The following OVCH1 variants were observed in gnomAD, a reference collection of about 807,000 sequenced individuals.
The protein encoded by OVCH1 is ovochymase 1, also known as ovochymase-1.
A neutral mutation model predicts 138.4 loss-of-function variants in OVCH1; 139 were observed. That is an observed-to-expected ratio of 1.00 (90% CI 0.87 to 1.16). The LOEUF (loss-of-function observed/expected upper bound fraction) is 1.16. Ranked by LOEUF, OVCH1 falls within the 50% of genes most tolerant of loss-of-function variation. The pLI, the probability that OVCH1 is intolerant of heterozygous loss-of-function variation, is 0.00. For synonymous variants in OVCH1, 453 were observed against 467.8 expected, an observed-to-expected ratio of 0.97 and a Z score of 0.41; for missense variants, 1,367 against 1,357.9, an observed-to-expected ratio of 1.01 and a Z score of -0.11.
intron 4 of OVCH1, among the ~76,000 whole-genome samples, chr12:29,493,079 C>T (rs1325971363): frequency 5.3e-5 from 8 of 152,068 alleles, no homozygotes; most frequent in Non-Finnish European, 2.9e-5. Context: ...GTGGAACAGA[C>T]ATCTTAACCT....
chr12:29,442,632 TA>T (rs370089807), intron 25 of OVCH1, among the ~76,000 whole-genome samples: 10,663 of 149,700 alleles, frequency 0.071, 465 homozygotes, highest in African/African-American at 0.12. Context: ...AATAATAAAA[TA>T]AAAAAAAATA....
intron 19 of OVCH1, among the ~76,000 whole-genome samples, chr12:29,456,045 G>T (rs765991479): frequency 4.6e-5 from 7 of 152,116 alleles, no homozygotes; most frequent in Admixed American, 2.0e-4. Context: ...TCTAATTCTA[G>T]TATTCCAATT....
downstream of OVCH1, among the ~76,000 whole-genome samples, chr12:29,411,652 G>A (rs1207223572): frequency 3.3e-5 from 5 of 152,116 alleles, no homozygotes; most frequent in Admixed American, 1.3e-4. Flanking sequence ...CTGTCTGATC[G>A]TTCCTCTGGA....
chr12:29,426,679 A>G (rs1235096506), downstream of OVCH1, among the ~76,000 whole-genome samples: 2 of 152,138 alleles, frequency 1.3e-5, no homozygotes, highest in African/African-American at 4.8e-5. Context: ...TTGCATACTG[A>G]ATTCCATATT....
At chr12:29,422,109 C>G (rs1453693347) in intron 3 of OVCH1, among the ~76,000 whole-genome samples, 1 of 152,118 alleles carries the variant, frequency 6.6e-6, no homozygotes, top group Non-Finnish European at 1.5e-5. Context: ...GGATTTTAAT[C>G]CACATTATAT....
chr12:29,449,065 AG>A (rs1941698858), intron 22 of OVCH1, among the ~76,000 whole-genome samples: 1 of 152,158 alleles, frequency 6.6e-6, no homozygotes. Flanking sequence ...ATTAAAAATG[AG>A]GGCTGGCATG....
the OVCH1 span, among the ~76,000 whole-genome samples, chr12:29,405,364 G>C: frequency 1.3e-5 from 2 of 152,146 alleles, no homozygotes; most frequent in Non-Finnish European, 2.9e-5. Context: ...AGATGATCCT[G>C]CAGCTCTTCT....
the OVCH1 span, among the ~76,000 whole-genome samples, chr12:29,406,390 A>G: frequency 1.3e-5 from 2 of 152,082 alleles, no homozygotes; most frequent in Non-Finnish European, 2.9e-5. Context: ...TACATGTGCC[A>G]TGCTGCTGCG....
intron 21 of OVCH1, among the ~76,000 whole-genome samples, chr12:29,454,636 A>T (rs1941893254): frequency 6.6e-6 from 1 of 152,154 alleles, no homozygotes; most frequent in African/African-American, 2.4e-5. Flanking sequence ...TTTTTTTAAA[A>T]ATCTGCAACA....
At chr12:29,411,290 TCTA>T (rs1462875239), downstream of OVCH1, among the ~76,000 whole-genome samples, 3 of 146,818 alleles carry the variant, frequency 2.0e-5, no homozygotes, top group Non-Finnish European at 3.0e-5. Context: ...TCTGAAGCCT[TCTA>T]CTCTCAACTC....
At chr12:29,471,041 C>A (rs1030897076) in intron 16 of OVCH1, among the ~76,000 whole-genome samples, 2 of 152,034 alleles carry the variant, frequency 1.3e-5, no homozygotes, top group East Asian at 3.9e-4. Context: ...TGTTCATATC[C>A]TTTGCCCACT....
chr12:29,486,122 G>A, intron 8 of OVCH1, 128 bp downstream of exon 8: 3 of 896,234 alleles, frequency 3.3e-6, no homozygotes, highest in South Asian at 3.2e-5. Context: ...TATGAGCAGG[G>A]CTTTTAAAGT....
intron 16 of OVCH1, among the ~76,000 whole-genome samples, chr12:29,470,040 A>G (rs1461100899): frequency 2.0e-5 from 3 of 152,164 alleles, no homozygotes; most frequent in African/African-American, 7.2e-5. Context: ...CTTACTCTAC[A>G]CAAGGTATTA....
At chr12:29,478,933 T>C in intron 8 of OVCH1, 1 of 1,514,806 alleles carries the variant, frequency 6.6e-7, no homozygotes, top group Admixed American at 1.9e-5. Flanking sequence ...CAGGATTATT[T>C]TATCTTCTGG....
chr12:29,451,595 A>G (rs1941797926), intron 21 of OVCH1, 26 bp from the exon 22 acceptor site: 1 of 1,556,858 alleles, frequency 6.4e-7, no homozygotes, highest in African/African-American at 1.4e-5. Flanking sequence ...CACAGACACC[A>G]GGGACCAACA....
At chr12:29,471,943 G>A in exon 16 of OVCH1, 1 of 1,613,252 alleles carries the variant, frequency 6.2e-7, no homozygotes, top group Non-Finnish European at 8.5e-7. Context: ...GATTCTTCTG[G>A]AAAGCCACTG....
intron 4 of OVCH1, among the ~76,000 whole-genome samples, chr12:29,493,212 C>T (rs1592121182): frequency 2.6e-5 from 4 of 152,056 alleles, no homozygotes; most frequent in African/African-American, 7.2e-5. Flanking sequence ...ATATACACTT[C>T]GAGTTATTCT....
chr12:29,440,836 A>T (rs2304458), intron 25 of OVCH1, 92 bp from the exon 26 acceptor site: 3 of 330,634 alleles, frequency 9.1e-6, no homozygotes, highest in Non-Finnish European at 1.9e-5. Flanking sequence ...TAGCAATTGG[A>T]TTTTTTACCC....
chr12:29,462,088 T>A, intron 18 of OVCH1, 80 bp from the exon 19 acceptor site: 4 of 1,464,984 alleles, frequency 2.7e-6, no homozygotes, highest in Non-Finnish European at 3.7e-6. Flanking sequence ...AGTTCAGATG[T>A]AGCTCTGTAC....
Sources: gnomAD v4.1 joint callset for allele counts (sites outside exome capture counted in the v4.1 genomes callset) on GRCh38, gnomAD v4.1.1 for gene constraint, MANE v1.5 for transcripts, NCBI Gene and HGNC (gene_info 2026-07-23, HGNC 2026-07-21) for gene names.